DDC: variants seen among roughly 807,000 people sequenced by gnomAD.
DDC encodes the protein dopa decarboxylase, also known as aromatic-L-amino-acid decarboxylase.
In DDC, 43 loss-of-function variants were observed where a neutral mutation model predicts 60.0. The observed-to-expected ratio is 0.72, with a 90% CI of 0.56 to 0.92. The LOEUF is 0.92. DDC is among the 40% of genes least tolerant of loss of function. DDC has a pLI of 0.00. For synonymous variants in DDC, 232 were observed against 234.6 expected, an observed-to-expected ratio of 0.99 and a Z score of 0.10; for missense variants, 573 against 620.2, an observed-to-expected ratio of 0.92 and a Z score of 0.81.
At chr7:50,527,041 G>A (rs1346700588) in intron 6 of DDC, among the ~76,000 whole-genome samples, 1 of 151,672 alleles carries the variant, frequency 6.6e-6, no homozygotes, top group Admixed American at 6.6e-5. Context: ...TACCTCTCTT[G>A]GCAACTAATT....
rs575586998 is a variant in DDC at position 50,504,097 on chromosome 7, G to T, written c.715-38C>A. ...AAGCAGACAGCCTTTTATTCCCCAG[G>T]TGCCAGTCACCGCTGTAACCTCCAC... is the stretch of plus-strand genomic sequence containing the variant. On this transcript the variant is annotated intron_variant, in intron 6 of 14. Transcript: ENST00000444124. 9.4e-6 allele frequency: 14 copies of T among 1,490,076 alleles called. No homozygotes were observed. The South Asian group carries it at 1.6e-4, about 17-fold the overall frequency. The allele number at this position is 1,490,076 out of a possible 1,614,324, so 92.3% of individuals were successfully genotyped here. A position where few individuals can be genotyped will look rare whatever the true frequency, so the allele number is the denominator to read the frequency against.
intron 1 of DDC, among the ~76,000 whole-genome samples, chr7:50,561,222 G>C (rs865933811): frequency 2.0e-5 from 3 of 151,960 alleles, no homozygotes; most frequent in South Asian, 2.1e-4. Flanking sequence ...CAGGGGGAGA[G>C]AGCCATCCTA....
intron 11 of DDC, among the ~76,000 whole-genome samples, chr7:50,474,814 T>C (rs56030652): frequency 0.04 from 6,158 of 152,208 alleles, 261 homozygotes; most frequent in African/African-American, 0.11. Flanking sequence ...TTTCTAATGA[T>C]ATCTAAGCTG....
chr7:50,471,748 C>A (rs1286446512), intron 11 of DDC, among the ~76,000 whole-genome samples: 1 of 152,202 alleles, frequency 6.6e-6, no homozygotes, highest in Admixed American at 6.5e-5. Context: ...TGCTGGTCAG[C>A]ACTGTTTGCA....
chr7:50,469,395 G>C (rs11575502), intron 12 of DDC, among the ~76,000 whole-genome samples: 1 of 152,066 alleles, frequency 6.6e-6, no homozygotes, highest in Non-Finnish European at 1.5e-5. Context: ...CGGCACTGCT[G>C]GTCTGGAAGC....
rs570013713 is a variant in DDC at position 50,494,701 on chromosome 7, G to A, written c.944+649C>T. On this transcript the variant is annotated intron_variant, in intron 9 of 14. Transcript: ENST00000444124. Reference sequence around the variant, plus strand: ...TTTTTTTTTGAGACAGAGTCTTGTCGCCAAGGCTGGATTGCAGTGGCATGA... The same window carrying A: ...TTTTTTTTTGAGACAGAGTCTTGTCACCAAGGCTGGATTGCAGTGGCATGA... Among the ~76,000 whole-genome samples, 11 of 151,234 alleles carry A rather than the reference G, an allele frequency of 7.3e-5. No individual in the cohort carries two copies. The South Asian group carries it at 1.5e-3, about 20-fold the overall frequency.
chr7:50,525,931 C>T (rs1303740336), intron 6 of DDC, among the ~76,000 whole-genome samples: 1 of 149,268 alleles, frequency 6.7e-6, no homozygotes, highest in Non-Finnish European at 1.5e-5. Context: ...TGTAAAAGGG[C>T]ATAAGAGATA....
At chr7:50,563,166 C>CA (rs11306685) in intron 1 of DDC, among the ~76,000 whole-genome samples, 134 of 115,106 alleles carry the variant, frequency 1.2e-3, no homozygotes, top group African/African-American at 2.4e-3. Flanking sequence ...GACTCCATCT[C>CA]AAAAAAAAAA....
intron 4 of DDC, among the ~76,000 whole-genome samples, chr7:50,533,066 A>C (rs2044271589): frequency 6.6e-6 from 1 of 152,228 alleles, no homozygotes; most frequent in Admixed American, 6.5e-5. Flanking sequence ...GCATCATAGA[A>C]AATCATGGAG....
chr7:50,492,698 C>CTCTCTCCT (rs2043026396), intron 9 of DDC: 3 of 1,382,592 alleles, frequency 2.2e-6, no homozygotes, highest in Non-Finnish European at 1.9e-6. Context: ...TCCAAATGGC[C>CTCTCTCCT]TTTTCCAAAT....
chr7:50,562,878 G>A (rs1807513235), intron 1 of DDC, among the ~76,000 whole-genome samples: 1 of 152,138 alleles, frequency 6.6e-6, no homozygotes, highest in Non-Finnish European at 1.5e-5. Flanking sequence ...TTAAAAAAAT[G>A]TCCAGACTGC....
At chr7:50,490,748 A>G (rs2042982138) in intron 9 of DDC, among the ~76,000 whole-genome samples, 1 of 152,248 alleles carries the variant, frequency 6.6e-6, no homozygotes, top group Non-Finnish European at 1.5e-5. Context: ...AAAAGGTTCC[A>G]ACAAAACCAA....
chr7:50,471,752 G>A (rs1354227174), intron 11 of DDC, among the ~76,000 whole-genome samples: 1 of 152,198 alleles, frequency 6.6e-6, no homozygotes, highest in Non-Finnish European at 1.5e-5. Context: ...GGTCAGCACT[G>A]TTTGCAAGCT....
intron 14 of DDC, among the ~76,000 whole-genome samples, chr7:50,459,232 T>C (rs1173824133): frequency 6.6e-6 from 1 of 152,216 alleles, no homozygotes. Flanking sequence ...GTGCCGGGAT[T>C]GCAGACGGAG....
At chr7:50,495,997 TA>T (rs1332568611) in intron 8 of DDC, among the ~76,000 whole-genome samples, 6 of 152,276 alleles carry the variant, frequency 3.9e-5, no homozygotes, top group Admixed American at 1.3e-4. Context: ...CTACAGTAGA[TA>T]GGGGTAAACC....
chr7:50,559,330 G>C (rs1011038714), intron 1 of DDC, among the ~76,000 whole-genome samples: 1 of 152,114 alleles, frequency 6.6e-6, no homozygotes, highest in Non-Finnish European at 1.5e-5. Flanking sequence ...TGTGCCCATC[G>C]CTGTCCCATA....
intron 11 of DDC, among the ~76,000 whole-genome samples, chr7:50,474,149 T>C (rs184305399): frequency 2.0e-5 from 3 of 152,384 alleles, no homozygotes; most frequent in East Asian, 3.9e-4. Flanking sequence ...GCTTGACCTT[T>C]CCTTAACCGA....
Position 50,551,479 on chromosome 7 carries a change from C to T in DDC, c.-28-7366G>A, listed in dbSNP as rs538711531. Among the ~76,000 whole-genome samples the T allele has an allele frequency of 5.0e-4, 76 of 152,212 alleles. 1 individual carries two copies. Among genetic ancestry groups the T allele is most frequent in the African/African-American group, 1.6e-3 (68 of 41,538 alleles). The stretch of plus-strand genomic sequence containing the variant: ...AACTCCTGACCTCAAGTGATCCACC[C>T]GCCTCAGCCTCCCAAAATGCTAGGA... On this transcript the variant is annotated intron_variant, in intron 1 of 14. Transcript: ENST00000444124.
At chr7:50,490,186 C>G (rs2042969764) in intron 9 of DDC, among the ~76,000 whole-genome samples, 1 of 152,180 alleles carries the variant, frequency 6.6e-6, no homozygotes, top group Non-Finnish European at 1.5e-5. Flanking sequence ...CTAGTAAAAG[C>G]CTCTTAGAAA....
Sources: allele counts gnomAD v4.1 joint callset (sites outside exome capture counted in the v4.1 genomes callset), GRCh38; gene constraint gnomAD v4.1.1; transcripts MANE v1.5; gene names NCBI Gene and HGNC (gene_info 2026-07-23, HGNC 2026-07-21).